The following LRPPRC variants were observed in gnomAD, a reference collection of about 807,000 sequenced individuals.
LRPPRC encodes the protein leucine rich pentatricopeptide repeat containing, also known as leucine-rich PPR motif-containing protein, mitochondrial.
In LRPPRC, 120 loss-of-function variants were observed where a neutral mutation model predicts 180.3. The observed-to-expected ratio is 0.67, with a 90% CI of 0.57 to 0.77. LRPPRC has a LOEUF of 0.77. LRPPRC is among the 30% of genes least tolerant of loss of function. The pLI is 0.00. For missense variants in LRPPRC, 2,012 were observed against 1,657.2 expected, an observed-to-expected ratio of 1.21 and a Z score of -3.72; for synonymous variants, 723 against 600.0, an observed-to-expected ratio of 1.21 and a Z score of -3.00.
intron 25 of LRPPRC, among the ~76,000 whole-genome samples, chr2:43,929,039 T>A (rs188521581): frequency 6.6e-6 from 1 of 152,268 alleles, no homozygotes; most frequent in East Asian, 1.9e-4. Context: ...GTTAAGGAAA[T>A]TGTAAGAAAG....
chr2:43,985,289 C>T (rs1356508844), intron 1 of LRPPRC, among the ~76,000 whole-genome samples: 1 of 152,158 alleles, frequency 6.6e-6, no homozygotes, highest in Non-Finnish European at 1.5e-5. Context: ...CCCCTAGTAA[C>T]ATTTTGCTGT....
At chr2:43,945,965 G>A (rs938782032) in intron 21 of LRPPRC, 148 bp downstream of exon 21, 13 of 782,380 alleles carry the variant, frequency 1.7e-5, no homozygotes, top group African/African-American at 3.5e-5. Context: ...TTAAAGAGCC[G>A]TATAATACGA....
chr2:43,975,088 T>C lies in LRPPRC; in HGVS notation c.864+3A>G. 2 of 1,612,420 alleles carry C rather than the reference T, an allele frequency of 1.2e-6. No homozygotes were observed. Among genetic ancestry groups the C allele is most frequent in the Non-Finnish European group, 1.7e-6 (2 of 1,179,728 alleles). ...AGTATGTTTATTTAGACATAAGTCATACCTGCTTAACATGGTCAATGTCGC... is the reference window on the plus strand; with the variant it reads ...AGTATGTTTATTTAGACATAAGTCACACCTGCTTAACATGGTCAATGTCGC... On this transcript the variant is annotated splice_donor_region_variant and intron_variant, in intron 7 of 37. Coordinates refer to ENST00000260665, the MANE Select transcript of LRPPRC (RefSeq NM_133259.4).
chr2:43,906,920 C>G (rs1463774831), intron 30 of LRPPRC, among the ~76,000 whole-genome samples: 2 of 152,170 alleles, frequency 1.3e-5, no homozygotes, highest in East Asian at 1.9e-4. Context: ...TGACTTTTCT[C>G]CCTTTGTCCC....
At chr2:43,911,523 CTTTTTTTTTTT>C (rs531172761) in intron 30 of LRPPRC, among the ~76,000 whole-genome samples, 1 of 92,372 alleles carries the variant, frequency 1.1e-5, no homozygotes, top group Non-Finnish European at 2.0e-5. Context: ...TCTTCTTCTT[CTTTTTTTTTTT>C]TTTTTTTTTT....
At chr2:43,980,493 C>T (rs1006006079) in intron 2 of LRPPRC, among the ~76,000 whole-genome samples, 13 of 143,716 alleles carry the variant, frequency 9.0e-5, no homozygotes, top group African/African-American at 2.9e-4. Context: ...GTGGAGGCTG[C>T]GGTGAGCCGA....
chr2:43,959,630 C>T (rs576962247), intron 13 of LRPPRC, among the ~76,000 whole-genome samples: 20 of 152,262 alleles, frequency 1.3e-4, no homozygotes, highest in African/African-American at 3.4e-4. Context: ...ACAGGCCAGG[C>T]GCAGTGGCTC....
At chr2:43,993,899 G>T (rs533369331) in intron 1 of LRPPRC, among the ~76,000 whole-genome samples, 1 of 152,212 alleles carries the variant, frequency 6.6e-6, no homozygotes, top group South Asian at 2.1e-4. Flanking sequence ...ACTTTACAAA[G>T]ATAAGGGGGA....
intron 11 of LRPPRC, among the ~76,000 whole-genome samples, chr2:43,967,783 C>G (rs1047639305): frequency 1.3e-5 from 2 of 152,192 alleles, no homozygotes; most frequent in Non-Finnish European, 2.9e-5. Context: ...TTGGTCCACA[C>G]TGCACACAGA....
chr2:43,899,793 T>C (rs114392725), intron 32 of LRPPRC, 188 bp from the exon 33 acceptor site: 2 of 594,010 alleles, frequency 3.4e-6, no homozygotes, highest in East Asian at 2.9e-5. Flanking sequence ...AGCAAAAACA[T>C]TCACTAGCTG....
chr2:43,888,712 A>C (rs1670362736), intron 37 of LRPPRC, 56 bp from the exon 38 acceptor site: 1 of 944,602 alleles, frequency 1.1e-6, no homozygotes, highest in Non-Finnish European at 1.7e-6. Flanking sequence ...GTGATGGTAC[A>C]TAACTTAAAA....
At chr2:43,911,614 C>T (rs1458086479) in intron 30 of LRPPRC, among the ~76,000 whole-genome samples, 1 of 149,720 alleles carries the variant, frequency 6.7e-6, no homozygotes, top group Non-Finnish European at 1.5e-5. Context: ...GCAACCTCCA[C>T]CTCCTGGGTT....
intron 37 of LRPPRC, 133 bp downstream of exon 37, chr2:43,889,600 GC>G: frequency 1.3e-6 from 1 of 792,770 alleles, no homozygotes; most frequent in South Asian, 1.5e-5. Context: ...AGTCCCTCAA[GC>G]CATCCCCTGA....
At chr2:43,919,112 T>TA (rs1238730187) in intron 27 of LRPPRC, among the ~76,000 whole-genome samples, 6 of 152,202 alleles carry the variant, frequency 3.9e-5, no homozygotes, top group Non-Finnish European at 8.8e-5. Flanking sequence ...GCGGCAGCAT[T>TA]AGATTCTCAT....
intron 2 of LRPPRC, among the ~76,000 whole-genome samples, chr2:43,981,540 C>G (rs993308031): frequency 6.6e-6 from 1 of 151,842 alleles, no homozygotes; most frequent in Non-Finnish European, 1.5e-5. Context: ...ATCGGTAGTC[C>G]CAGCTACTTG....
At chr2:43,963,071 A>C (rs942493339) in intron 12 of LRPPRC, among the ~76,000 whole-genome samples, 1 of 152,230 alleles carries the variant, frequency 6.6e-6, no homozygotes, top group Admixed American at 6.5e-5. Flanking sequence ...ACAAGAAAAA[A>C]GCTGCTTTGT....
intron 14 of LRPPRC, among the ~76,000 whole-genome samples, chr2:43,951,828 CCTTTATTT>C (rs1672915928): frequency 7.5e-6 from 1 of 133,920 alleles, no homozygotes; most frequent in Admixed American, 8.0e-5. Flanking sequence ...AGCTGGGCTT[CCTTTATTT>C]ATTTATTTTT....
At chr2:43,976,572 T>C (rs925894892) in intron 5 of LRPPRC, among the ~76,000 whole-genome samples, 2 of 152,090 alleles carry the variant, frequency 1.3e-5, no homozygotes, top group Admixed American at 6.5e-5. Flanking sequence ...TATCCCTTAT[T>C]TTCCAAACCT....
intron 1 of LRPPRC, among the ~76,000 whole-genome samples, chr2:43,987,363 C>G (rs1040644526): frequency 6.6e-6 from 1 of 151,704 alleles, no homozygotes; most frequent in African/African-American, 2.4e-5. Flanking sequence ...GGGGCCGTGG[C>G]GGGCGCCTAT....
Sources: allele counts gnomAD v4.1 joint callset (sites outside exome capture counted in the v4.1 genomes callset), GRCh38; gene constraint gnomAD v4.1.1; transcripts MANE v1.5; gene names NCBI Gene and HGNC (gene_info 2026-07-23, HGNC 2026-07-21).